Variants in LSAMP observed in about 807,000 individuals in gnomAD.
LSAMP encodes limbic system associated membrane protein.
Under a neutral mutation model 38.6 loss-of-function variants are expected in LSAMP, and 7 were observed. The ratio of observed to expected loss-of-function variants is 0.18; its 90% CI spans 0.10 to 0.34. The LOEUF is 0.34. LSAMP is among the 10% of genes least tolerant of loss of function. The probability of loss-of-function intolerance (pLI) is 1.00; values close to 1 mark genes in which losing one functional copy is unlikely to be tolerated. For synonymous variants in LSAMP, 154 were observed against 166.8 expected (o/e 0.92, Z 0.59); for missense variants, 313 against 420.0 (o/e 0.75, Z 2.23).
chr3:116,206,612 C>T (rs1213026268), intron 1 of LSAMP, among the ~76,000 whole-genome samples: 2 of 145,782 alleles, frequency 1.4e-5, no homozygotes, highest in Non-Finnish European at 3.0e-5. Context: ...TGTCTTTGTT[C>T]TCGTTGGTTT....
rs75274873 is a variant in LSAMP at position 116,176,071 on chromosome 3, C to T, written c.156-89515G>A. ...ACACAATATCCCTGGTAAGAATAGT[C>T]TTCTACCTTGACAGAGCTTGGCATG... On this transcript the variant is annotated intron_variant, in intron 1 of 6. Transcript: ENST00000490035. 5.9e-5 allele frequency among the ~76,000 whole-genome samples: 9 copies of T among 152,216 alleles called. No homozygotes were observed. In the East Asian group the frequency reaches 1.5e-3, roughly 26 times the overall value.
At chr3:116,111,399 C>A (rs1708612340) in intron 1 of LSAMP, among the ~76,000 whole-genome samples, 1 of 152,164 alleles carries the variant, frequency 6.6e-6, no homozygotes, top group African/African-American at 2.4e-5. Context: ...AAGGTATTTC[C>A]AGATACTTCT....
intron 1 of LSAMP, among the ~76,000 whole-genome samples, chr3:116,119,253 T>A (rs1466726958): frequency 6.6e-6 from 1 of 151,926 alleles, no homozygotes; most frequent in Non-Finnish European, 1.5e-5. Context: ...AACATGCTTT[T>A]TAAAAATTGT....
At chr3:116,194,770 C>T (rs906068279) in intron 1 of LSAMP, among the ~76,000 whole-genome samples, 1 of 152,052 alleles carries the variant, frequency 6.6e-6, no homozygotes, top group Non-Finnish European at 1.5e-5. Flanking sequence ...AATCATTGAT[C>T]GAGATTGAGG....
intron 1 of LSAMP, among the ~76,000 whole-genome samples, chr3:116,317,442 A>G (rs568849525): frequency 9.6e-4 from 138 of 143,194 alleles, no homozygotes; most frequent in East Asian, 2.1e-3. Context: ...TGCAAGCTCC[A>G]CCTCCTGGGT....
At chr3:116,055,364 T>G (rs1941472311) in intron 2 of LSAMP, among the ~76,000 whole-genome samples, 1 of 152,162 alleles carries the variant, frequency 6.6e-6, no homozygotes, top group Non-Finnish European at 1.5e-5. Flanking sequence ...CACAGTGAGT[T>G]GTGGTCATTG....
At chr3:116,251,060 T>G (rs1293344626) in intron 1 of LSAMP, among the ~76,000 whole-genome samples, 2 of 152,216 alleles carry the variant, frequency 1.3e-5, no homozygotes, top group Admixed American at 6.5e-5. Flanking sequence ...CTTGTTGTCA[T>G]GAGTTCACTA....
At chr3:116,351,536 G>A (rs369329372) in intron 1 of LSAMP, among the ~76,000 whole-genome samples, 3 of 149,812 alleles carry the variant, frequency 2.0e-5, no homozygotes, top group Non-Finnish European at 4.4e-5. Flanking sequence ...CTCACATTAC[G>A]TGTAATTATA....
At chr3:115,932,495 G>A (rs1039240682) in intron 3 of LSAMP, among the ~76,000 whole-genome samples, 26 of 152,328 alleles carry the variant, frequency 1.7e-4, no homozygotes, top group African/African-American at 6.0e-4. Context: ...CAGAGGGATA[G>A]GATAGCAAGG....
intron 2 of LSAMP, among the ~76,000 whole-genome samples, chr3:116,071,527 T>A (rs1276434281): frequency 6.6e-6 from 1 of 152,234 alleles, no homozygotes; most frequent in African/African-American, 2.4e-5. Context: ...TATGATATAT[T>A]GACCATTGTT....
At chr3:116,415,833 T>C (rs933123132) in intron 1 of LSAMP, among the ~76,000 whole-genome samples, 1 of 152,098 alleles carries the variant, frequency 6.6e-6, no homozygotes, top group Non-Finnish European at 1.5e-5. Context: ...GCTTTGGGCA[T>C]ACAAGGGGTG....
At chr3:116,321,614 G>A (rs1012335517) in intron 1 of LSAMP, among the ~76,000 whole-genome samples, 10 of 152,054 alleles carry the variant, frequency 6.6e-5, no homozygotes, top group African/African-American at 2.4e-4. Flanking sequence ...CATATAGCTA[G>A]CAAGTGATGA....
intron 3 of LSAMP, among the ~76,000 whole-genome samples, chr3:115,916,573 A>G (rs926662304): frequency 6.6e-6 from 1 of 152,162 alleles, no homozygotes; most frequent in African/African-American, 2.4e-5. Context: ...TCTTGCACTT[A>G]TTTCATTCAC....
At position 115,863,886 on chromosome 3, in the gene LSAMP, A is replaced by G. The variant is rs570796157; in HGVS notation, c.515-11269T>C. On this transcript the variant is annotated intron_variant, in intron 3 of 6. Coordinates refer to ENST00000490035, the MANE Select transcript of LSAMP (RefSeq NM_002338.5). Reference sequence around the variant, plus strand: ...CTACGATTTTTCTATTTCTGGCATAAGGGAAAAAGAATGATTAGGAAAATT... The same window carrying G: ...CTACGATTTTTCTATTTCTGGCATAGGGGAAAAAGAATGATTAGGAAAATT... Among the ~76,000 whole-genome samples, 6 of 152,286 alleles carry G rather than the reference A, an allele frequency of 3.9e-5. No individual in the cohort carries two copies. The East Asian group carries it at 9.7e-4, about 25-fold the overall frequency.
intron 2 of LSAMP, among the ~76,000 whole-genome samples, chr3:116,028,569 C>T (rs1279825675): frequency 6.6e-6 from 1 of 152,026 alleles, no homozygotes; most frequent in African/African-American, 2.4e-5. Flanking sequence ...TGGCATTAGG[C>T]GATATTATGG....
intron 3 of LSAMP, among the ~76,000 whole-genome samples, chr3:115,874,865 A>G (rs1936140735): frequency 6.6e-6 from 1 of 151,958 alleles, no homozygotes; most frequent in Admixed American, 6.6e-5. Context: ...AAGGAGAAGT[A>G]TTTTCTTCTC....
Position 115,841,942 on chromosome 3 carries a change from G to A in LSAMP, c.822C>T (p.Ser274=). The A allele has an allele frequency of 6.2e-7, 1 of 1,613,806 alleles. No homozygotes were observed. The highest frequency in any genetic ancestry group is 1.3e-5 in the African/African-American group (1 of 75,024). Residue 274 remains serine (S), a synonymous_variant, in exon 6 of 7, where the codon TCC becomes TCT. Transcript: ENST00000490035. ...CCTCAGTGACGTTGGTCACCGTCAG[G>A]GAAGACTGGCCCTCCGTGCTCTTAA... is the stretch of plus-strand genomic sequence containing the variant. The part of the protein sequence containing the change: ...LEIKSTEGQS[S]LTVTNVTEEH...
At chr3:115,982,396 C>T (rs370055238) in intron 3 of LSAMP, among the ~76,000 whole-genome samples, 21 of 152,292 alleles carry the variant, frequency 1.4e-4, no homozygotes, top group African/African-American at 5.1e-4. Context: ...TATTAGTCCA[C>T]ACTGATTTTG....
chr3:116,290,731 C>T (rs949643490), intron 1 of LSAMP, among the ~76,000 whole-genome samples: 1 of 73,376 alleles, frequency 1.4e-5, no homozygotes, highest in African/African-American at 4.2e-5. Context: ...CTCTGTCTCA[C>T]AAAAATAATA....
Sources: gnomAD v4.1 joint callset for allele counts (sites outside exome capture counted in the v4.1 genomes callset) on GRCh38, gnomAD v4.1.1 for gene constraint, MANE v1.5 for transcripts, NCBI Gene and HGNC (gene_info 2026-07-23, HGNC 2026-07-21) for gene names.